Variants in CYB5D1 observed in about 807,000 individuals in gnomAD.
CYB5D1 encodes the protein cytochrome b5 domain containing 1, also known as cytochrome b5 domain-containing protein 1.
CYB5D1 carries 30 observed loss-of-function variants against 24.3 expected under a neutral mutation model. The observed-to-expected ratio is 1.23, with a 90% CI of 0.92 to 1.67. CYB5D1 has a LOEUF of 1.67. CYB5D1 is among the 40% of genes most tolerant of loss of function. CYB5D1 has a pLI of 0.00. For missense variants in CYB5D1, 265 were observed against 296.7 expected (o/e 0.89, Z 0.79); for synonymous variants, 128 against 123.2 (o/e 1.04, Z -0.26).
rs2078869088 is a variant in CYB5D1 at position 7,859,720 on chromosome 17, ACTC to A, written c.*112_*114del. 3 of 922,082 alleles carry A rather than the reference ACTC, an allele frequency of 3.3e-6. No homozygotes were observed. The African/African-American group carries it at 4.8e-5, about 15-fold the overall frequency. 57.1% of individuals were successfully genotyped at this position (922,082 alleles called of 1,614,324 possible). On this transcript the variant is annotated 3_prime_UTR_variant, in exon 4 of 4. Coordinates refer to ENST00000332439, the MANE Select transcript of CYB5D1 (RefSeq NM_144607.6). ...GAGGGGTGCCTGGACCCAGATCTCCACTCCTCTCCAGGAGCTAGCCTGTGCCCT... is the reference window on the plus strand; with the variant it reads ...GAGGGGTGCCTGGACCCAGATCTCCACTCTCCAGGAGCTAGCCTGTGCCCT...
chr17:7,858,512 G>A, intron 2 of CYB5D1, 33 bp downstream of exon 2: 1 of 1,614,118 alleles, frequency 6.2e-7, no homozygotes, highest in South Asian at 1.1e-5. Flanking sequence ...ATTGTGGGTA[G>A]AGGAAATGGA....
intron 3 of CYB5D1, chr17:7,859,044 G>A (rs916801115): frequency 1.1e-5 from 6 of 567,008 alleles, no homozygotes; most frequent in Admixed American, 6.8e-5. Flanking sequence ...TATAAGCCTG[G>A]GAACAGCAGT....
rs201040525 is a variant in CYB5D1 at position 7,858,121 on chromosome 17, A to G, written c.-14A>G. ...GAGTAACCAAGAGATCCAGTGACCG[A>G]CAGAGCAAGAGCCATGCCGCGCCGG... On this transcript the variant is annotated 5_prime_UTR_variant, in exon 1 of 4. Coordinates refer to ENST00000332439, the MANE Select transcript of CYB5D1 (RefSeq NM_144607.6). The G allele has an allele frequency of 6.2e-7, 1 of 1,612,988 alleles. No homozygotes were observed. Among genetic ancestry groups the G allele is most frequent in the East Asian group, 2.2e-5 (1 of 44,888 alleles).
Position 7,858,073 on chromosome 17 carries a change from T to G in CYB5D1, c.-62T>G. On this transcript the variant is annotated 5_prime_UTR_variant, in exon 1 of 4. Coordinates refer to ENST00000332439, the MANE Select transcript of CYB5D1 (RefSeq NM_144607.6). ...GACGCGACGGAGGTCGTAGTAGTAG[T>G]GAGTACGTGCTGAGGAGCAAAGGAG... 3 of 1,599,606 alleles carry G rather than the reference T, an allele frequency of 1.9e-6. No homozygotes were observed. The highest frequency in any genetic ancestry group is 8.5e-7 in the Non-Finnish European group (1 of 1,174,654).
In CYB5D1 at chr17:7,860,147, CT is replaced by C. The variant is rs57736014; in HGVS notation, c.*547del. On this transcript the variant is annotated 3_prime_UTR_variant, in exon 4 of 4. Coordinates refer to ENST00000332439, the MANE Select transcript of CYB5D1 (RefSeq NM_144607.6). ...TTATACTAGGTACTTCATATACCCT[CT>C]TTTTTTTTTTTGCCCCCAACAAAGA... The C allele has an allele frequency of 0.18, 26,213 of 146,890 alleles. 2,614 individuals carry two copies. Among genetic ancestry groups the C allele is most frequent in the African/African-American group, 0.26 (10,431 of 39,680 alleles). 9.1% of individuals were successfully genotyped at this position (146,890 alleles called of 1,614,324 possible).
Position 7,858,256 on chromosome 17 carries a change from G to A in CYB5D1, c.122G>A (p.Arg41His). The A allele has an allele frequency of 6.2e-7, 1 of 1,614,030 alleles. No individual in the cohort carries two copies. Among genetic ancestry groups the A allele is most frequent in the Non-Finnish European group, 8.5e-7 (1 of 1,180,004 alleles). The change falls in exon 1 of 4, where the codon CGC becomes CAC. Residue 41 changes from arginine (R) to histidine (H), a missense_variant. Coordinates refer to ENST00000332439, the MANE Select transcript of CYB5D1 (RefSeq NM_144607.6). ...GACCTCTGGGTATCTTACCTGGGAC[G>A]CGTGTACGACCTAACGTCATTGGCA... Reference protein sequence around the residue: ...PEDLWVSYLGRVYDLTSLAQE... With the variant: ...PEDLWVSYLGHVYDLTSLAQE...
In CYB5D1 at chr17:7,859,780, C is replaced by A; in HGVS notation, c.*168C>A. ...GTGTAAAGGCCCTATTCCCTGCCTT[C>A]ATTACAGTTTGCTCTGAGAAAATTA... On this transcript the variant is annotated 3_prime_UTR_variant, in exon 4 of 4. Transcript: ENST00000332439. 1 of 611,498 alleles carries A rather than the reference C, an allele frequency of 1.6e-6. No homozygotes were observed. 37.9% of individuals were successfully genotyped at this position (611,498 alleles called of 1,614,324 possible).
chr17:7,858,119 C>T lies in CYB5D1; in HGVS notation c.-16C>T. Reference sequence around the variant, plus strand: ...AGGAGTAACCAAGAGATCCAGTGACCGACAGAGCAAGAGCCATGCCGCGCC... The same window carrying T: ...AGGAGTAACCAAGAGATCCAGTGACTGACAGAGCAAGAGCCATGCCGCGCC... On this transcript the variant is annotated 5_prime_UTR_variant, in exon 1 of 4. Transcript: ENST00000332439. 1 of 1,612,736 alleles carries T rather than the reference C, an allele frequency of 6.2e-7. No homozygotes were observed. The highest frequency in any genetic ancestry group is 8.5e-7 in the Non-Finnish European group (1 of 1,179,754).
Position 7,858,646 on chromosome 17 carries a change from A to G in CYB5D1, c.278A>G (p.Tyr93Cys). 1 of 1,608,668 alleles carries G rather than the reference A, an allele frequency of 6.2e-7. No homozygotes were observed. Among genetic ancestry groups the G allele is most frequent in the Non-Finnish European group, 8.5e-7 (1 of 1,176,708 alleles). Reference protein sequence around the residue: ...HIDPLTGCLRYCTPRGRFVHV... With the variant: ...HIDPLTGCLRCCTPRGRFVHV... ...GATCCGCTGACCGGCTGCCTGAGGT[A>G]CTGCACCCCGCGGGGCCGCTTTGTG... Residue 93 changes from tyrosine to cysteine, a missense_variant, in exon 3 of 4, where the codon TAC becomes TGC. Coordinates refer to ENST00000332439, the MANE Select transcript of CYB5D1 (RefSeq NM_144607.6).
chr17:7,858,038 T>A lies in CYB5D1; in HGVS notation c.-97T>A. The A allele has an allele frequency of 6.4e-7, 1 of 1,553,070 alleles. No individual in the cohort carries two copies. On this transcript the variant is annotated 5_prime_UTR_variant, in exon 1 of 4. Coordinates refer to ENST00000332439, the MANE Select transcript of CYB5D1 (RefSeq NM_144607.6). ...ATGTCAGCGGATAAACGCTCTCCCCTCGGCTCCCGGACGCGACGGAGGTCG... is the reference window on the plus strand; with the variant it reads ...ATGTCAGCGGATAAACGCTCTCCCCACGGCTCCCGGACGCGACGGAGGTCG...
rs2078864788 is a variant in CYB5D1, at chr17:7,859,337, AC to A, written c.457-44del. ...TTGATCCCAGCGTGTGTATATGTAT[AC>A]TCCATCCAGAATTCTGGGGGTGGGG... On this transcript the variant is annotated intron_variant, in intron 3 of 3. Transcript: ENST00000332439. 2.0e-6 allele frequency: 3 copies of A among 1,505,764 alleles called. No homozygotes were observed. The East Asian group carries it at 6.8e-5, about 34-fold the overall frequency. 93.3% of individuals were successfully genotyped at this position (1,505,764 alleles called of 1,614,324 possible).
chr17:7,859,152 G>A, intron 3 of CYB5D1: 1 of 598,754 alleles, frequency 1.7e-6, no homozygotes, highest in East Asian at 2.8e-5. Flanking sequence ...CATGGATATA[G>A]TGAGGGGACA....
intron 1 of CYB5D1, 46 bp from the exon 2 acceptor site, chr17:7,858,357 T>A: frequency 1.2e-6 from 2 of 1,614,014 alleles, no homozygotes; most frequent in Non-Finnish European, 1.7e-6. Context: ...GTTTGCCTGG[T>A]TCTCGAAGGG....
At chr17:7,859,112 A>C in intron 3 of CYB5D1, 1 of 574,198 alleles carries the variant, frequency 1.7e-6, no homozygotes, top group Non-Finnish European at 3.1e-6. Context: ...TTGGACAGCA[A>C]TTGGACTTTC....
Position 7,859,414 on chromosome 17 carries a change from A to G in CYB5D1, c.489A>G (p.Leu163=). The G allele has an allele frequency of 1.9e-6, 3 of 1,614,080 alleles. No individual in the cohort carries two copies. Among genetic ancestry groups the G allele is most frequent in the Non-Finnish European group, 2.5e-6 (3 of 1,180,020 alleles). The change falls in exon 4 of 4, where the codon CTA becomes CTG. Residue 163 remains leucine (L), a synonymous_variant. Transcript: ENST00000332439. The part of the protein sequence containing the change: ...VGVLESIWEI[L]HRYLPYNSHA... ...TTCTGGAGTCCATATGGGAAATCCT[A>G]CACCGCTATCTCCCCTATAACTCAC... is the stretch of plus-strand genomic sequence containing the variant.
Position 7,859,655 on chromosome 17 carries a change from G to A in CYB5D1, c.*43G>A, listed in dbSNP as rs747512422. The A allele has an allele frequency of 6.4e-5, 102 of 1,597,166 alleles. 1 individual carries two copies. The South Asian group carries it at 1.1e-3, about 17-fold the overall frequency. Reference sequence around the variant, plus strand: ...CGTGTAGACTCAAGACGTATTTCGAGTTTGGCTTTTTCTGTGCCTTGAGGA... The same window carrying A: ...CGTGTAGACTCAAGACGTATTTCGAATTTGGCTTTTTCTGTGCCTTGAGGA... On this transcript the variant is annotated 3_prime_UTR_variant, in exon 4 of 4. Transcript: ENST00000332439.
rs758150610 is a variant in CYB5D1 at position 7,858,496 on chromosome 17, C to A, written c.237+17C>A. 7 of 1,614,042 alleles carry A rather than the reference C, an allele frequency of 4.3e-6. No individual in the cohort carries two copies. Among genetic ancestry groups the A allele is most frequent in the Admixed American group, 1.7e-5 (1 of 59,998 alleles). ...ACCAGAGACGTGAGTTATGCTGGAA[C>A]CTGGGATTGTGGGTAGAGGAAATGG... On this transcript the variant is annotated intron_variant, in intron 2 of 3. Transcript: ENST00000332439.
rs758150610 is a variant in CYB5D1 at position 7,858,496 on chromosome 17, C to G, written c.237+17C>G. ...ACCAGAGACGTGAGTTATGCTGGAA[C>G]CTGGGATTGTGGGTAGAGGAAATGG... On this transcript the variant is annotated intron_variant, in intron 2 of 3. Transcript: ENST00000332439. 3 of 1,614,042 alleles carry G rather than the reference C, an allele frequency of 1.9e-6. No individual in the cohort carries two copies. The highest frequency in any genetic ancestry group is 1.7e-5 in the Admixed American group (1 of 59,998).
Position 7,859,431 on chromosome 17 carries a change from A to G in CYB5D1, c.506A>G (p.Tyr169Cys), listed in dbSNP as rs781338278. The stretch of plus-strand genomic sequence containing the variant: ...GAAATCCTACACCGCTATCTCCCCT[A>G]TAACTCACATGCTGCCAGCTACACG... Reference protein sequence around the residue: ...IWEILHRYLPYNSHAASYTWK... With the variant: ...IWEILHRYLPCNSHAASYTWK... The change falls in exon 4 of 4, where the codon TAT becomes TGT. Residue 169 changes from tyrosine to cysteine, a missense_variant. Physicochemically the swap from Tyr to Cys is radical, Grantham distance 194. Coordinates refer to ENST00000332439, the MANE Select transcript of CYB5D1 (RefSeq NM_144607.6). The G allele has an allele frequency of 1.1e-5, 17 of 1,614,122 alleles. No individual in the cohort carries two copies. The South Asian group carries it at 1.2e-4, about 11-fold the overall frequency.
Sources: gnomAD v4.1 joint callset for allele counts on GRCh38, gnomAD v4.1.1 for gene constraint, MANE v1.5 for transcripts, NCBI Gene and HGNC (gene_info 2026-07-23, HGNC 2026-07-21) for gene names.